CACNA2D1: variants seen among roughly 807,000 people sequenced by gnomAD.
CACNA2D1 encodes voltage-dependent calcium channel subunit alpha-2/delta-1.
In CACNA2D1, 53 loss-of-function variants were observed where a neutral mutation model predicts 171.5. That is an observed-to-expected ratio of 0.31 (90% CI 0.25 to 0.39). The LOEUF is 0.39. CACNA2D1 is among the 10% of genes least tolerant of loss of function. The pLI, the probability that CACNA2D1 is intolerant of heterozygous loss-of-function variation, is 1.00. For missense variants in CACNA2D1, 903 were observed against 1,299.8 expected, an observed-to-expected ratio of 0.69 and a Z score of 4.69; for synonymous variants, 442 against 443.1, an observed-to-expected ratio of 1.00 and a Z score of 0.03.
intron 3 of CACNA2D1, among the ~76,000 whole-genome samples, chr7:82,278,541 G>C (rs961387041): frequency 7.7e-6 from 1 of 129,822 alleles, no homozygotes; most frequent in Admixed American, 8.7e-5. Flanking sequence ...CTGAGAGACA[G>C]AGTGAGACTC....
At chr7:82,375,808 C>G (rs2190237) in intron 1 of CACNA2D1, among the ~76,000 whole-genome samples, 110,428 of 152,050 alleles carry the variant, frequency 0.73, 40,456 homozygotes, top group African/African-American at 0.83. Flanking sequence ...CTTAATTGCC[C>G]ACAGCCCCAA....
chr7:82,245,168 A>G (rs543556277), intron 3 of CACNA2D1, among the ~76,000 whole-genome samples: 2 of 152,314 alleles, frequency 1.3e-5, no homozygotes, highest in South Asian at 4.1e-4. Context: ...CCAAACAAGA[A>G]ATACAATGTC....
intron 1 of CACNA2D1, among the ~76,000 whole-genome samples, chr7:82,378,886 T>G (rs1452882575): frequency 6.6e-6 from 1 of 152,056 alleles, no homozygotes; most frequent in South Asian, 2.1e-4. Flanking sequence ...TTTTAAGTTA[T>G]ATTGTTCTTT....
At chr7:82,338,423 G>C (rs1192539208) in intron 2 of CACNA2D1, among the ~76,000 whole-genome samples, 1 of 152,026 alleles carries the variant, frequency 6.6e-6, no homozygotes, top group Non-Finnish European at 1.5e-5. Context: ...TAGCACTCCT[G>C]GTCTCAGGTG....
intron 2 of CACNA2D1, 64 bp downstream of exon 2, chr7:82,349,504 G>C (rs995490434): frequency 8.1e-7 from 1 of 1,241,284 alleles, no homozygotes; most frequent in Non-Finnish European, 1.2e-6. Flanking sequence ...CAGTTTCCTA[G>C]AAGATAGAAC....
At chr7:82,367,441 A>G (rs755360816) in intron 1 of CACNA2D1, among the ~76,000 whole-genome samples, 19 of 152,130 alleles carry the variant, frequency 1.2e-4, no homozygotes, top group Non-Finnish European at 2.4e-4. Context: ...ACCACCTCAC[A>G]GAGGAATTCT....
rs144308688 is a variant in CACNA2D1, at chr7:82,196,055, C to T, written c.295-25446G>A. Among the ~76,000 whole-genome samples, 7 of 105,036 alleles carry T rather than the reference C, an allele frequency of 6.7e-5. No individual in the cohort carries two copies. The Admixed American group carries it at 6.9e-4, about 10-fold the overall frequency. 68.9% of individuals were successfully genotyped at this position (105,036 alleles called of 152,430 possible). On this transcript the variant is annotated intron_variant, in intron 3 of 38. Coordinates refer to ENST00000356860, the MANE Select transcript of CACNA2D1 (RefSeq NM_000722.4). Reference sequence around the variant, plus strand: ...GCCTGTCCATAAAATCTGGATTCTACTAATTTACAACCACCTCTTTTGGTT... The same window carrying T: ...GCCTGTCCATAAAATCTGGATTCTATTAATTTACAACCACCTCTTTTGGTT...
chr7:82,219,450 A>T (rs527872275), intron 3 of CACNA2D1, among the ~76,000 whole-genome samples: 3 of 152,258 alleles, frequency 2.0e-5, no homozygotes, highest in East Asian at 1.9e-4. Context: ...ACAAAAAATC[A>T]TTAACTTAAG....
rs1169076143 is a variant in CACNA2D1, at chr7:82,238,136, T to C, written c.295-67527A>G. 2.0e-4 allele frequency among the ~76,000 whole-genome samples: 30 copies of C among 152,018 alleles called. 1 individual carries two copies. The stretch of plus-strand genomic sequence containing the variant: ...CTTTGTCACACAGAAAATCACACAA[T>C]AAATTCATATAAGAGGGGAATAAGA... On this transcript the variant is annotated intron_variant, in intron 3 of 38. Coordinates refer to ENST00000356860, the MANE Select transcript of CACNA2D1 (RefSeq NM_000722.4).
At chr7:82,037,312 C>CT (rs1803402926) in intron 11 of CACNA2D1, among the ~76,000 whole-genome samples, 1 of 152,088 alleles carries the variant, frequency 6.6e-6, no homozygotes, top group Admixed American at 6.5e-5. Flanking sequence ...AACCCCGTCT[C>CT]TACTAAAAAT....
chr7:82,187,998 A>T (rs1797932791), intron 3 of CACNA2D1, among the ~76,000 whole-genome samples: 1 of 152,174 alleles, frequency 6.6e-6, no homozygotes, highest in Non-Finnish European at 1.5e-5. Context: ...CACTTATTAT[A>T]TCTAATCTCT....
At chr7:82,415,748 T>A (rs1563522135) in intron 1 of CACNA2D1, among the ~76,000 whole-genome samples, 1 of 152,072 alleles carries the variant, frequency 6.6e-6, no homozygotes, top group East Asian at 1.9e-4. Context: ...AGATTAATCT[T>A]AATTTAATTA....
At chr7:81,991,157 A>C in intron 21 of CACNA2D1, 28 bp downstream of exon 21, 1 of 1,096,926 alleles carries the variant, frequency 9.1e-7, no homozygotes, top group Non-Finnish European at 1.4e-6. Context: ...ATTGGAATAC[A>C]CAATACACAT....
intron 5 of CACNA2D1, among the ~76,000 whole-genome samples, chr7:82,120,421 T>A (rs886504724): frequency 6.6e-6 from 1 of 152,214 alleles, no homozygotes; most frequent in African/African-American, 2.4e-5. Flanking sequence ...CTATCCTCAA[T>A]ATCAATTTTG....
chr7:82,063,324 A>C (rs1807185451), intron 9 of CACNA2D1, among the ~76,000 whole-genome samples: 1 of 152,156 alleles, frequency 6.6e-6, no homozygotes, highest in African/African-American at 2.4e-5. Flanking sequence ...AATTTAATTA[A>C]AGTAACATGA....
intron 1 of CACNA2D1, among the ~76,000 whole-genome samples, chr7:82,411,653 C>T (rs1282550002): frequency 6.6e-6 from 1 of 152,080 alleles, no homozygotes; most frequent in Admixed American, 6.6e-5. Flanking sequence ...TATGCGGACA[C>T]CTTGCCTCTT....
At chr7:82,183,036 TA>T (rs34429630) in intron 3 of CACNA2D1, among the ~76,000 whole-genome samples, 48,789 of 134,286 alleles carry the variant, frequency 0.36, 8,506 homozygotes, top group East Asian at 0.59. Flanking sequence ...GACTCCATCT[TA>T]AAAAAAAAAA....
At chr7:82,245,537 GTT>G (rs1357119165) in intron 3 of CACNA2D1, among the ~76,000 whole-genome samples, 1 of 152,084 alleles carries the variant, frequency 6.6e-6, no homozygotes, top group African/African-American at 2.4e-5. Flanking sequence ...GAGATTATCT[GTT>G]TTATGAATAC....
intron 4 of CACNA2D1, among the ~76,000 whole-genome samples, chr7:82,146,220 G>C (rs1793024948): frequency 6.6e-6 from 1 of 151,262 alleles, no homozygotes; most frequent in African/African-American, 2.4e-5. Flanking sequence ...CTATCATGCT[G>C]GTGACACAAA....
Sources: allele counts gnomAD v4.1 joint callset (sites outside exome capture counted in the v4.1 genomes callset), GRCh38; gene constraint gnomAD v4.1.1; transcripts MANE v1.5; gene names NCBI Gene and HGNC (gene_info 2026-07-23, HGNC 2026-07-21).